Variants in TCERG1L observed in about 807,000 individuals in gnomAD.
The protein encoded by TCERG1L is transcription elongation regulator 1-like protein.
In TCERG1L, 37 loss-of-function variants were observed where a neutral mutation model predicts 56.3. That is an observed-to-expected ratio of 0.66 (90% confidence interval 0.51 to 0.87). The LOEUF is 0.87. Among genes scored for constraint, TCERG1L ranks in the 40% least tolerant of loss-of-function variants. TCERG1L has a pLI of 0.00. For missense variants in TCERG1L, 799 were observed against 774.2 expected (o/e 1.03, Z -0.38); for synonymous variants, 324 against 326.3 (o/e 0.99, Z 0.08).
At chr10:131,169,583 T>C (rs1414781870) in intron 4 of TCERG1L, among the ~76,000 whole-genome samples, 1 of 152,160 alleles carries the variant, frequency 6.6e-6, no homozygotes, top group South Asian at 2.1e-4. Context: ...CAAAAGTGAA[T>C]TGGTTTAAAT....
chr10:131,206,080 C>T (rs954018841), intron 4 of TCERG1L, among the ~76,000 whole-genome samples: 10 of 152,356 alleles, frequency 6.6e-5, no homozygotes, highest in Non-Finnish European at 1.2e-4. Flanking sequence ...GCTGCAGACA[C>T]GAAGCCCTCA....
At chr10:131,215,633 G>C (rs1189105338) in intron 4 of TCERG1L, among the ~76,000 whole-genome samples, 1 of 152,156 alleles carries the variant, frequency 6.6e-6, no homozygotes, top group African/African-American at 2.4e-5. Flanking sequence ...GCCTGGTCCA[G>C]CCCATGGGAG....
intron 11 of TCERG1L, among the ~76,000 whole-genome samples, chr10:131,095,011 C>T (rs143724831): frequency 7.2e-5 from 11 of 152,344 alleles, no homozygotes; most frequent in Non-Finnish European, 1.6e-4. Context: ...GGGCAGCAAC[C>T]GGCTTTCTGC....
At chr10:131,236,909 C>T (rs1395518667) in intron 4 of TCERG1L, among the ~76,000 whole-genome samples, 1 of 152,064 alleles carries the variant, frequency 6.6e-6, no homozygotes, top group African/African-American at 2.4e-5. Context: ...TCGCATCATC[C>T]TTTGCCCCAA....
At chr10:131,224,298 G>A (rs887885839) in intron 4 of TCERG1L, among the ~76,000 whole-genome samples, 4 of 152,062 alleles carry the variant, frequency 2.6e-5, no homozygotes, top group Non-Finnish European at 4.4e-5. Context: ...GTCGCTGCAC[G>A]TCCCATTGGG....
intron 9 of TCERG1L, among the ~76,000 whole-genome samples, chr10:131,114,189 T>C (rs191605365): frequency 4.2e-5 from 6 of 142,302 alleles, no homozygotes; most frequent in African/African-American, 1.5e-4. Flanking sequence ...AACGGAAGTA[T>C]TGAACAAATG....
rs532479731 is a variant in TCERG1L at position 131,263,317 on chromosome 10, T to C, written c.671-2873A>G. Among the ~76,000 whole-genome samples the C allele has an allele frequency of 5.9e-5, 9 of 152,268 alleles. 1 individual carries two copies. The South Asian group carries it at 1.5e-3, about 25-fold the overall frequency. ...ACTAAGCACTGTTCAAAATATATCA[T>C]CTTAATAATAACACACTTTAGAAAA... On this transcript the variant is annotated intron_variant, in intron 3 of 11. Transcript: ENST00000368642.
chr10:131,221,024 C>T (rs1007141149), intron 4 of TCERG1L, among the ~76,000 whole-genome samples: 1 of 152,204 alleles, frequency 6.6e-6, no homozygotes, highest in African/African-American at 2.4e-5. Context: ...GAGGCCCCCC[C>T]AAGCGGCTGA....
At chr10:131,114,971 G>A (rs549702025) in intron 9 of TCERG1L, among the ~76,000 whole-genome samples, 6 of 152,356 alleles carry the variant, frequency 3.9e-5, no homozygotes, top group South Asian at 2.1e-4. Context: ...CGTGCAGTCC[G>A]AGGGACACAG....
rs181821426 is a variant in TCERG1L at position 131,240,501 on chromosome 10, C to T, written c.856+19758G>A. Among the ~76,000 whole-genome samples the T allele has an allele frequency of 1.6e-3, 240 of 152,028 alleles. 2 individuals carry two copies. Among genetic ancestry groups the T allele is most frequent in the African/African-American group, 5.4e-3 (224 of 41,444 alleles). Reference sequence around the variant, plus strand: ...AAAGCACCGACCACAATCCCTGAAACGCCAGAAGCACCCAGTGAGTATCTG... The same window carrying T: ...AAAGCACCGACCACAATCCCTGAAATGCCAGAAGCACCCAGTGAGTATCTG... On this transcript the variant is annotated intron_variant, in intron 4 of 11. Coordinates refer to ENST00000368642, the MANE Select transcript of TCERG1L (RefSeq NM_174937.4).
At position 131,134,457 on chromosome 10, in the gene TCERG1L, A is replaced by G; in HGVS notation, c.1190-9T>C. 1 of 1,581,696 alleles carries G rather than the reference A, an allele frequency of 6.3e-7. No individual in the cohort carries two copies. The highest frequency in any genetic ancestry group is 8.6e-7 in the Non-Finnish European group (1 of 1,162,768). On this transcript the variant is annotated splice_polypyrimidine_tract_variant and intron_variant, in intron 7 of 11. Coordinates refer to ENST00000368642, the MANE Select transcript of TCERG1L (RefSeq NM_174937.4). ...CCCATCGCTGTTGTCAGCTGAAAGA[A>G]AATCAGATGAACAGGGTTAGAGTTG...
At chr10:131,283,163 C>T (rs1846480977) in intron 3 of TCERG1L, among the ~76,000 whole-genome samples, 1 of 152,236 alleles carries the variant, frequency 6.6e-6, no homozygotes, top group Admixed American at 6.5e-5. Context: ...GAGAGGCTCT[C>T]CAGCTACAGT....
Position 131,234,128 on chromosome 10 carries a change from G to A in TCERG1L, c.856+26131C>T, listed in dbSNP as rs368932806. On this transcript the variant is annotated intron_variant, in intron 4 of 11. Coordinates refer to ENST00000368642, the MANE Select transcript of TCERG1L (RefSeq NM_174937.4). ...AACCATTTCCTTTATCAGTTACCCA[G>A]CCTCAGGTATTCTGCTGTAGCAACA... 2.9e-4 allele frequency among the ~76,000 whole-genome samples: 44 copies of A among 152,302 alleles called. 1 individual carries two copies. The South Asian group carries it at 8.7e-3, about 30-fold the overall frequency.
At chr10:131,232,372 G>A (rs912629489) in intron 4 of TCERG1L, among the ~76,000 whole-genome samples, 7 of 152,224 alleles carry the variant, frequency 4.6e-5, no homozygotes, top group African/African-American at 1.7e-4. Context: ...GCACTCCCTG[G>A]CAGCCGCCTC....
chr10:131,199,561 C>G (rs184497229), intron 4 of TCERG1L, among the ~76,000 whole-genome samples: 268 of 151,966 alleles, frequency 1.8e-3, no homozygotes, highest in African/African-American at 6.2e-3. Context: ...AGAAAATAAA[C>G]TTTTTATCTG....
intron 7 of TCERG1L, among the ~76,000 whole-genome samples, chr10:131,137,229 T>C (rs4751326): frequency 0.67 from 101,342 of 152,000 alleles, 34,336 homozygotes; most frequent in South Asian, 0.76. Flanking sequence ...CAACACCCTC[T>C]AAGGAAGTGC....
At chr10:131,248,238 C>T (rs180866285) in intron 4 of TCERG1L, among the ~76,000 whole-genome samples, 301 of 148,024 alleles carry the variant, frequency 2.0e-3, no homozygotes, top group African/African-American at 7.3e-3. Context: ...CACACACACA[C>T]GACTCACACA....
chr10:131,291,743 T>C (rs1846630112), intron 3 of TCERG1L, among the ~76,000 whole-genome samples: 1 of 151,972 alleles, frequency 6.6e-6, no homozygotes, highest in Non-Finnish European at 1.5e-5. Context: ...ACAGCATTTC[T>C]AAATGCACCA....
chr10:131,093,656 C>G (rs186896765), intron 11 of TCERG1L, among the ~76,000 whole-genome samples: 21 of 152,310 alleles, frequency 1.4e-4, no homozygotes, highest in African/African-American at 5.1e-4. Context: ...GTCTCCTCCG[C>G]CCCTCCCTTG....
Sources: allele counts gnomAD v4.1 joint callset (sites outside exome capture counted in the v4.1 genomes callset), GRCh38; gene constraint gnomAD v4.1.1; transcripts MANE v1.5; gene names NCBI Gene and HGNC (gene_info 2026-07-23, HGNC 2026-07-21).